Variants in PPP1R12B observed in about 807,000 individuals in gnomAD.
PPP1R12B encodes protein phosphatase 1 regulatory subunit 12B.
A neutral mutation model predicts 126.1 loss-of-function variants in PPP1R12B; 76 were observed. That is an observed-to-expected ratio of 0.60 (90% CI 0.50 to 0.73). The LOEUF is 0.73. Among genes scored for constraint, PPP1R12B ranks in the 30% least tolerant of loss-of-function variants. PPP1R12B has a pLI of 0.00. For missense variants in PPP1R12B, 1,052 were observed against 1,205.1 expected (o/e 0.87, Z 1.88); for synonymous variants, 356 against 434.7 (o/e 0.82, Z 2.25).
intron 1 of PPP1R12B, among the ~76,000 whole-genome samples, chr1:202,364,430 A>T (rs1396910736): frequency 6.6e-6 from 1 of 152,118 alleles, no homozygotes; most frequent in Non-Finnish European, 1.5e-5. Context: ...ATCTACTACT[A>T]AGCAACATGA....
chr1:202,443,374 G>T (rs976818033), intron 12 of PPP1R12B, among the ~76,000 whole-genome samples: 9 of 152,104 alleles, frequency 5.9e-5, no homozygotes, highest in African/African-American at 2.2e-4. Context: ...TAGATGATTG[G>T]TTGGCTACCT....
chr1:202,555,353 A>AAAAAAAAAG (rs1553320335), intron 18 of PPP1R12B, among the ~76,000 whole-genome samples: 2 of 121,584 alleles, frequency 1.6e-5, no homozygotes, highest in African/African-American at 5.9e-5. Context: ...AAAAAAAAAA[A>AAAAAAAAAG]GCTTGTTTCG....
intron 18 of PPP1R12B, among the ~76,000 whole-genome samples, chr1:202,504,104 G>A (rs193070002): frequency 2.6e-5 from 4 of 152,138 alleles, no homozygotes; most frequent in East Asian, 1.9e-4. Flanking sequence ...CAGTTAAGAA[G>A]ACTCTTGAGG....
At chr1:202,447,411 G>A (rs1672419156) in intron 12 of PPP1R12B, among the ~76,000 whole-genome samples, 2 of 152,128 alleles carry the variant, frequency 1.3e-5, no homozygotes, top group South Asian at 4.2e-4. Flanking sequence ...TTTATTCTGG[G>A]TACTATTTTA....
intron 17 of PPP1R12B, among the ~76,000 whole-genome samples, 179 bp downstream of exon 17, chr1:202,495,861 C>T (rs1487800106): frequency 2.0e-5 from 3 of 152,158 alleles, no homozygotes; most frequent in Non-Finnish European, 4.4e-5. Context: ...TATGTTCCTG[C>T]TAGATTCCCA....
rs571249382 is a variant in PPP1R12B, at chr1:202,553,355, A to T, written c.2491-5522A>T. On this transcript the variant is annotated intron_variant, in intron 18 of 23. Coordinates refer to ENST00000608999, the MANE Select transcript of PPP1R12B (RefSeq NM_002481.4). Reference sequence around the variant, plus strand: ...AGTTTCTATCTAGTTCAGACACACTAGAGAGTCTCATTTTAGTGGCCATCA... The same window carrying T: ...AGTTTCTATCTAGTTCAGACACACTTGAGAGTCTCATTTTAGTGGCCATCA... Among the ~76,000 whole-genome samples, 118 of 152,284 alleles carry T rather than the reference A, an allele frequency of 7.7e-4. 2 individuals are homozygous for T. The highest frequency in any genetic ancestry group is 1.0e-3 in the Non-Finnish European group (69 of 68,024).
Position 202,583,166 on chromosome 1 carries a change from T to C in PPP1R12B, c.*2606T>C, listed in dbSNP as rs1007920843. ...GACTAATTGATTATCCTGGAACATT[T>C]TGAATATTGGGGAAGGAAGATGATA... On this transcript the variant is annotated 3_prime_UTR_variant, in exon 24 of 24. Coordinates refer to ENST00000608999, the MANE Select transcript of PPP1R12B (RefSeq NM_002481.4). The C allele has an allele frequency of 4.6e-5, 7 of 152,160 alleles. No homozygotes were observed. The highest frequency in any genetic ancestry group is 1.7e-4 in the African/African-American group (7 of 41,432). The allele number at this position is 152,160 out of a possible 1,614,324, so 9.4% of individuals were successfully genotyped here. A position where few individuals can be genotyped will look rare whatever the true frequency, so the allele number is the denominator to read the frequency against.
intron 18 of PPP1R12B, among the ~76,000 whole-genome samples, chr1:202,539,286 C>G (rs975832161): frequency 2.0e-5 from 3 of 152,166 alleles, no homozygotes; most frequent in African/African-American, 7.2e-5. Context: ...CCCTTTATTC[C>G]TAGAAGCTGG....
intron 8 of PPP1R12B, among the ~76,000 whole-genome samples, chr1:202,433,496 T>C (rs571221562): frequency 6.2e-4 from 94 of 152,268 alleles, no homozygotes; most frequent in African/African-American, 2.1e-3. Context: ...AACCCCAAGC[T>C]CCATAGTCTG....
Position 202,451,984 on chromosome 1 carries a change from TCAGA to T in PPP1R12B, c.1850+2817_1850+2820del, listed in dbSNP as rs562959372. ...GCTGGGCGGAGGGGCTCCTCACTTC[TCAGA>T]CAGGGCGGCCGGGCAGAGACGCTCC... is the stretch of plus-strand genomic sequence containing the variant. On this transcript the variant is annotated intron_variant, in intron 13 of 23. Coordinates refer to ENST00000608999, the MANE Select transcript of PPP1R12B (RefSeq NM_002481.4). 7.4e-5 allele frequency among the ~76,000 whole-genome samples: 11 copies of T among 148,944 alleles called. 1 individual carries two copies. The South Asian group carries it at 2.3e-3, about 32-fold the overall frequency.
chr1:202,521,416 C>T (rs1220687562), intron 18 of PPP1R12B, among the ~76,000 whole-genome samples: 9 of 152,242 alleles, frequency 5.9e-5, no homozygotes, highest in South Asian at 2.1e-4. Flanking sequence ...GAAGAACAAT[C>T]TGGTGAGAGT....
rs1676080204 is a variant in PPP1R12B, at chr1:202,472,629, A to T, written c.1851-15904A>T. On this transcript the variant is annotated intron_variant, in intron 13 of 23. Coordinates refer to ENST00000608999, the MANE Select transcript of PPP1R12B (RefSeq NM_002481.4). ...TGTTTTTAATGGAACAAATGTTCAGATGGAAAAGAATTCAAGATGATATAG... is the reference window on the plus strand; with the variant it reads ...TGTTTTTAATGGAACAAATGTTCAGTTGGAAAAGAATTCAAGATGATATAG... 2.6e-5 allele frequency among the ~76,000 whole-genome samples: 4 copies of T among 152,348 alleles called. No individual in the cohort carries two copies. In the South Asian group the frequency reaches 8.3e-4, roughly 32 times the overall value.
intron 12 of PPP1R12B, among the ~76,000 whole-genome samples, chr1:202,444,252 C>T (rs76592253): frequency 0.014 from 2,178 of 152,210 alleles, 66 homozygotes; most frequent in African/African-American, 0.05. Flanking sequence ...ATTAAAATAC[C>T]TCTTTTCCAA....
rs972379642 is a variant in PPP1R12B, at chr1:202,508,557, G to A, written c.2490+11735G>A. Among the ~76,000 whole-genome samples the A allele has an allele frequency of 6.6e-6, 1 of 152,146 alleles. No individual in the cohort carries two copies. Among genetic ancestry groups the A allele is most frequent in the African/African-American group, 2.4e-5 (1 of 41,444 alleles). ...TTCAGGAAACAGAAGCATTTTAAAG[G>A]CAAACAACATGTTTGAGTATTATGT... is the stretch of plus-strand genomic sequence containing the variant. On this transcript the variant is annotated intron_variant, in intron 18 of 23. Coordinates refer to ENST00000608999, the MANE Select transcript of PPP1R12B (RefSeq NM_002481.4). This position sits in a 1 kb window ranked among gnomAD's most constrained non-coding sequence, Gnocchi z 4.5.
intron 18 of PPP1R12B, among the ~76,000 whole-genome samples, chr1:202,501,556 CT>C (rs1175471711): frequency 2.0e-5 from 3 of 152,104 alleles, no homozygotes; most frequent in Non-Finnish European, 4.4e-5. Context: ...GACAAATTGC[CT>C]TTGTTTTTAA....
At chr1:202,522,704 A>T (rs752086900) in intron 18 of PPP1R12B, among the ~76,000 whole-genome samples, 1 of 152,170 alleles carries the variant, frequency 6.6e-6, no homozygotes, top group South Asian at 2.1e-4. Flanking sequence ...ATAAAAAAAT[A>T]CAAGTATAAG....
intron 1 of PPP1R12B, among the ~76,000 whole-genome samples, chr1:202,371,259 G>A (rs552998073): frequency 4.0e-5 from 6 of 149,602 alleles, no homozygotes; most frequent in Middle Eastern, 6.9e-3. Flanking sequence ...GGGCTCAAGC[G>A]ATCCTCCTAC....
At chr1:202,528,220 AAC>A (rs1432849714) in intron 18 of PPP1R12B, among the ~76,000 whole-genome samples, 1 of 152,246 alleles carries the variant, frequency 6.6e-6, no homozygotes. Flanking sequence ...TAACTCCAGT[AAC>A]ACACTGTTAT....
chr1:202,573,356 A>G (rs1345477152), intron 23 of PPP1R12B, among the ~76,000 whole-genome samples: 2 of 152,138 alleles, frequency 1.3e-5, no homozygotes, highest in Non-Finnish European at 2.9e-5. Context: ...AAAGAGATTC[A>G]GCAGTTTGTC....
Sources: gnomAD v4.1 joint callset for allele counts (sites outside exome capture counted in the v4.1 genomes callset) on GRCh38, gnomAD v4.1.1 for gene constraint, Gnocchi (gnomAD v3.1) non-coding constraint, MANE v1.5 for transcripts, NCBI Gene and HGNC (gene_info 2026-07-23, HGNC 2026-07-21) for gene names.